The following PCDHGA1 variants were observed in gnomAD, a reference collection of about 807,000 sequenced individuals.
The protein encoded by PCDHGA1 is protocadherin gamma subfamily A, 1.
A neutral mutation model predicts 58.0 loss-of-function variants in PCDHGA1; 32 were observed. That is an observed-to-expected ratio of 0.55 (90% CI 0.42 to 0.74). The LOEUF (loss-of-function observed/expected upper bound fraction) is 0.74, where lower values mean the gene tolerates loss of function less well. Among genes scored for constraint, PCDHGA1 ranks in the 30% least tolerant of loss-of-function variants. PCDHGA1 has a pLI of 0.00. For missense variants in PCDHGA1, 1,205 were observed against 1,182.3 expected (o/e 1.02, Z -0.28); for synonymous variants, 498 against 501.1 (o/e 0.99, Z 0.08).
In PCDHGA1 at chr5:141,366,784, A is replaced by G. The variant is rs749444374; in HGVS notation, c.2421+33679A>G. Reference sequence around the variant, plus strand: ...TTCTCTTTCGGTAAGGATGACCAGAACATTTTCATTTGTTTCCTTTTTCAT... The same window carrying G: ...TTCTCTTTCGGTAAGGATGACCAGAGCATTTTCATTTGTTTCCTTTTTCAT... On this transcript the variant is annotated intron_variant, in intron 1 of 3. Coordinates refer to ENST00000517417, the MANE Select transcript of PCDHGA1 (RefSeq NM_018912.3). 6 of 1,579,152 alleles carry G rather than the reference A, an allele frequency of 3.8e-6. No homozygotes were observed. The South Asian group carries it at 6.9e-5, about 18-fold the overall frequency.
intron 1 of PCDHGA1, chr5:141,399,734 C>T: frequency 6.2e-7 from 1 of 1,613,338 alleles, no homozygotes; most frequent in Non-Finnish European, 8.5e-7. Context: ...CAGGGCTCGC[C>T]TGCGCTCAGC....
chr5:141,351,933 T>C, intron 1 of PCDHGA1: 1 of 1,613,206 alleles, frequency 6.2e-7, no homozygotes, highest in South Asian at 1.1e-5. Flanking sequence ...GCGCCACGGG[T>C]GCTGTACCCC....
chr5:141,484,805 A>G (rs1594417928), intron 1 of PCDHGA1, among the ~76,000 whole-genome samples: 1 of 151,896 alleles, frequency 6.6e-6, no homozygotes, highest in East Asian at 1.9e-4. Context: ...CCGTGGAAAA[A>G]CATGCCGTTG....
rs1160654712 is a variant in PCDHGA1, at chr5:141,360,146, G to A, written c.2421+27041G>A. Reference sequence around the variant, plus strand: ...AAAGGGAGCCAGAAGATGAAAGCGAGCTCAGGGAGGTGCGGGCTGGTGCGG... The same window carrying A: ...AAAGGGAGCCAGAAGATGAAAGCGAACTCAGGGAGGTGCGGGCTGGTGCGG... On this transcript the variant is annotated intron_variant, in intron 1 of 3. Coordinates refer to ENST00000517417, the MANE Select transcript of PCDHGA1 (RefSeq NM_018912.3). 12 of 1,600,736 alleles carry A rather than the reference G, an allele frequency of 7.5e-6. No homozygotes were observed. The East Asian group carries it at 1.4e-4, about 18-fold the overall frequency.
At chr5:141,415,183 G>A (rs201831693) in intron 1 of PCDHGA1, 913 of 1,613,968 alleles carry the variant, frequency 5.7e-4, no homozygotes, top group Non-Finnish European at 5.1e-4. Flanking sequence ...GGCCGTGGCC[G>A]ACAGCATCCC....
rs371350905 is a variant in PCDHGA1 at position 141,476,860 on chromosome 5, G to A, written c.2422-17947G>A. The A allele has an allele frequency of 6.7e-5, 108 of 1,613,762 alleles. No individual in the cohort carries two copies. The highest frequency in any genetic ancestry group is 1.6e-4 in the East Asian group (7 of 44,884). ...ATGCGCCTGTCTTCAACCAGTCCTT[G>A]TACCGGGCGCGCGTCCTGGAGGATG... is the stretch of plus-strand genomic sequence containing the variant. On this transcript the variant is annotated intron_variant, in intron 1 of 3. Transcript: ENST00000517417. This position sits in a 1 kb window ranked among gnomAD's most constrained non-coding sequence, Gnocchi z 7.6.
At chr5:141,421,548 G>C in intron 1 of PCDHGA1, 1 of 1,613,984 alleles carries the variant, frequency 6.2e-7, no homozygotes, top group Non-Finnish European at 8.5e-7. Flanking sequence ...TTTTAAATAT[G>C]GAACTTCTCG....
At chr5:141,420,417 A>C (rs112493756) in intron 1 of PCDHGA1, 20 of 1,211,742 alleles carry the variant, frequency 1.7e-5, no homozygotes, top group Admixed American at 1.1e-4. Flanking sequence ...ATCATTATTA[A>C]AACAAAAGTT....
At chr5:141,345,228 G>C (rs992315059) in intron 1 of PCDHGA1, 14 of 1,613,812 alleles carry the variant, frequency 8.7e-6, no homozygotes, top group Non-Finnish European at 1.2e-5. Context: ...AAAATCAATA[G>C]ATCAATATTA....
chr5:141,362,657 G>T, intron 1 of PCDHGA1: 1 of 1,396,950 alleles, frequency 7.2e-7, no homozygotes, highest in Non-Finnish European at 9.5e-7. Context: ...GTTAGATTTG[G>T]CCAATGTTGT....
intron 1 of PCDHGA1, chr5:141,400,091 C>A: frequency 6.2e-7 from 1 of 1,614,072 alleles, no homozygotes; most frequent in Non-Finnish European, 8.5e-7. Context: ...GCCACCGCCA[C>A]GCTGCACTTG....
chr5:141,376,001 C>A lies in PCDHGA1; in HGVS notation c.2421+42896C>A, dbSNP rs1554084237. On this transcript the variant is annotated intron_variant, in intron 1 of 3. Transcript: ENST00000517417. ...CCTGCTGGACAGAGACGCGCTCAAGCAGAGCCTAGTGGTGGCCGTCCAGGA... is the reference window on the plus strand; with the variant it reads ...CCTGCTGGACAGAGACGCGCTCAAGAAGAGCCTAGTGGTGGCCGTCCAGGA... 10 of 1,613,362 alleles carry A rather than the reference C, an allele frequency of 6.2e-6. No homozygotes were observed. The Admixed American group carries it at 1.7e-4, about 27-fold the overall frequency.
Position 141,487,341 on chromosome 5 carries a change from TC to T in PCDHGA1, c.2422-7465del, listed in dbSNP as rs778559139. Reference sequence around the variant, plus strand: ...TGTCTTCGTGGGGCAGCCTGTGGAGTCACATGCTTTCCTGCTGGCACCTGTG... The same window carrying T: ...TGTCTTCGTGGGGCAGCCTGTGGAGTACATGCTTTCCTGCTGGCACCTGTG... On this transcript the variant is annotated intron_variant, in intron 1 of 3. Transcript: ENST00000517417. This position sits in a 1 kb window ranked among gnomAD's most constrained non-coding sequence, Gnocchi z 5.0. 1 of 1,614,012 alleles carries T rather than the reference TC, an allele frequency of 6.2e-7. No homozygotes were observed. The highest frequency in any genetic ancestry group is 1.1e-5 in the South Asian group (1 of 91,074).
chr5:141,410,402 A>G, intron 1 of PCDHGA1: 1 of 1,614,008 alleles, frequency 6.2e-7, no homozygotes, highest in South Asian at 1.1e-5. Flanking sequence ...TCTCTGTGTC[A>G]AGTCTGGACC....
Position 141,486,793 on chromosome 5 carries a change from G to C in PCDHGA1, c.2422-8014G>C. ...AGTTTGAGGTGCAGGCCCGGGATCG[G>C]GGCAACCCACCCCTTAGCAGCACTG... is the stretch of plus-strand genomic sequence containing the variant. On this transcript the variant is annotated intron_variant, in intron 1 of 3. Transcript: ENST00000517417. This position sits in a 1 kb window ranked among gnomAD's most constrained non-coding sequence, Gnocchi z 5.0. 6.2e-7 allele frequency: 1 copy of C among 1,614,244 alleles called. No homozygotes were observed. Among genetic ancestry groups the C allele is most frequent in the Non-Finnish European group, 8.5e-7 (1 of 1,180,050 alleles).
intron 1 of PCDHGA1, chr5:141,409,837 C>T (rs182654621): frequency 2.2e-5 from 36 of 1,611,350 alleles, no homozygotes; most frequent in Non-Finnish European, 2.9e-5. Context: ...TCAGCGCCAA[C>T]GTGAGCCTGC....
chr5:141,339,587 G>T, intron 1 of PCDHGA1: 1 of 1,614,194 alleles, frequency 6.2e-7, no homozygotes, highest in South Asian at 1.1e-5. Context: ...CGAGGAAGAG[G>T]CTGTTCACCA....
chr5:141,363,067 T>A (rs1215757323), intron 1 of PCDHGA1, among the ~76,000 whole-genome samples: 1 of 152,250 alleles, frequency 6.6e-6, no homozygotes, highest in Non-Finnish European at 1.5e-5. Context: ...GCTAAATGTC[T>A]TGGAATCACA....
At position 141,490,646 on chromosome 5, in the gene PCDHGA1, C is replaced by G. The variant is rs202183643; in HGVS notation, c.2422-4161C>G. The G allele has an allele frequency of 8.7e-6, 14 of 1,614,068 alleles. No homozygotes were observed. In the African/African-American group the frequency reaches 1.7e-4, roughly 20 times the overall value. ...GCTTACATCCTAGAAAACCGGCCTC[C>G]GGGCTCCCTTCTTTGCACTGTGGCT... On this transcript the variant is annotated intron_variant, in intron 1 of 3. Coordinates refer to ENST00000517417, the MANE Select transcript of PCDHGA1 (RefSeq NM_018912.3). This position sits in a 1 kb window ranked among gnomAD's most constrained non-coding sequence, Gnocchi z 5.4.
Sources: gnomAD v4.1 joint callset for allele counts (sites outside exome capture counted in the v4.1 genomes callset) on GRCh38, gnomAD v4.1.1 for gene constraint, Gnocchi (gnomAD v3.1) non-coding constraint, MANE v1.5 for transcripts, NCBI Gene and HGNC (gene_info 2026-07-23, HGNC 2026-07-21) for gene names.